Variants in KLHL25 observed in about 807,000 individuals in gnomAD.
KLHL25 encodes the protein kelch like family member 25, also known as kelch-like protein 25.
In KLHL25, 41 loss-of-function variants were observed where a neutral mutation model predicts 30.0. The observed-to-expected ratio is 1.37, with a 90% CI of 1.07 to 1.78. The LOEUF (loss-of-function observed/expected upper bound fraction) is 1.78, where lower values mean the gene tolerates loss of function less well. Ranked by LOEUF, KLHL25 falls within the 40% of genes most tolerant of loss-of-function variation. The probability of loss-of-function intolerance (pLI) is 0.00; values close to 1 mark genes in which losing one functional copy is unlikely to be tolerated. For synonymous variants in KLHL25, 399 were observed against 355.3 expected, an observed-to-expected ratio of 1.12 and a Z score of -1.38; for missense variants, 971 against 824.5, an observed-to-expected ratio of 1.18 and a Z score of -2.18.
intron 1 of KLHL25, among the ~76,000 whole-genome samples, chr15:85,783,456 C>T (rs2089758430): frequency 6.6e-6 from 1 of 151,844 alleles, no homozygotes; most frequent in Non-Finnish European, 1.5e-5. Context: ...CTTTGGGAGG[C>T]TGAGGTGGGC....
chr15:85,787,393 C>A (rs944581478), intron 1 of KLHL25, among the ~76,000 whole-genome samples: 1 of 151,978 alleles, frequency 6.6e-6, no homozygotes, highest in African/African-American at 2.4e-5. Context: ...TTGCTGTAAC[C>A]TGAGATCATG....
rs374904225 is a variant in KLHL25, at chr15:85,769,829, G to A, written c.-10-9C>T. 7.5e-6 allele frequency: 12 copies of A among 1,591,750 alleles called. No homozygotes were observed. The Middle Eastern group carries it at 5.0e-4, about 66-fold the overall frequency. ...CCGACATGGTGCGTCAGCTTGTGGG[G>A]GAACAAGCCCACAGGTTAGAGGAGC... On this transcript the variant is annotated splice_polypyrimidine_tract_variant and intron_variant, in intron 1 of 2. Coordinates refer to ENST00000337975, the MANE Select transcript of KLHL25 (RefSeq NM_022480.4).
chr15:85,789,089 T>A lies in KLHL25; in HGVS notation c.-11+5677A>T, dbSNP rs2089799564. ...CTGCTCAGCCTAGATGGATCTGTGG[T>A]CAGCCTCTCCTTGGGGGCCCAATGG... On this transcript the variant is annotated intron_variant, in intron 1 of 2. Transcript: ENST00000337975. This position sits in a 1 kb window ranked among gnomAD's most constrained non-coding sequence, Gnocchi z 4.1. Among the ~76,000 whole-genome samples the A allele has an allele frequency of 6.6e-6, 1 of 152,242 alleles. No individual in the cohort carries two copies.
Position 85,769,136 on chromosome 15 carries a change from C to T in KLHL25, c.675G>A (p.Arg225=), listed in dbSNP as rs765982023. Residue 225 remains arginine (R), a synonymous_variant, in exon 2 of 3, where the codon CGG becomes CGA. Transcript: ENST00000337975. ...GGAGGAGCTCGGGCAAGTGGACCTT[C>T]CGTGGCTCCAGGTCGTGCTTCACCC... ...LQWVKHDLEP[R]KVHLPELLRS... 9.9e-6 allele frequency: 16 copies of T among 1,609,190 alleles called. No homozygotes were observed. In the African/African-American group the frequency reaches 1.6e-4, roughly 16 times the overall value.
chr15:85,761,689 C>T (rs2089584071), intron 2 of KLHL25: 1 of 152,308 alleles, frequency 6.6e-6, no homozygotes, highest in Non-Finnish European at 1.5e-5. Context: ...TCACATACCA[C>T]TCCGAGGCCC....
intron 2 of KLHL25, among the ~76,000 whole-genome samples, chr15:85,764,817 C>A (rs534286382): frequency 8.3e-4 from 126 of 152,372 alleles, no homozygotes; most frequent in African/African-American, 2.9e-3. Context: ...ATCACTTGAT[C>A]TCTATTCTAG....
intron 1 of KLHL25, among the ~76,000 whole-genome samples, chr15:85,779,722 G>A (rs1204797157): frequency 2.0e-5 from 3 of 152,254 alleles, no homozygotes; most frequent in East Asian, 1.9e-4. Context: ...ACTGATTAAA[G>A]GCCTGCCAAG....
chr15:85,791,946 A>T (rs1295465467), intron 1 of KLHL25, among the ~76,000 whole-genome samples: 1 of 152,170 alleles, frequency 6.6e-6, no homozygotes, highest in East Asian at 1.9e-4. Flanking sequence ...CTTAACAGGG[A>T]GCCCTTCCTA....
At chr15:85,761,073 A>T (rs1419674697) in intron 2 of KLHL25, 62 bp from the exon 3 acceptor site, 1 of 152,300 alleles carries the variant, frequency 6.6e-6, no homozygotes, top group Non-Finnish European at 1.5e-5. Context: ...TTCTGACCTG[A>T]TCTGGAACAA....
intron 1 of KLHL25, among the ~76,000 whole-genome samples, chr15:85,774,067 G>A (rs1240292242): frequency 6.6e-6 from 1 of 152,164 alleles, no homozygotes; most frequent in East Asian, 1.9e-4. Flanking sequence ...AGGGCCTGGG[G>A]ATGCAAAAGC....
In KLHL25 at chr15:85,768,867, T is replaced by A; in HGVS notation, c.944A>T (p.His315Leu). 6.2e-7 allele frequency: 1 copy of A among 1,613,348 alleles called. No homozygotes were observed. The highest frequency in any genetic ancestry group is 8.5e-7 in the Non-Finnish European group (1 of 1,180,042). The change falls in exon 2 of 3, where the codon CAC becomes CTC. Residue 315 changes from histidine to leucine, a missense_variant. His to Leu is a moderately conservative substitution (Grantham distance 99). Transcript: ENST00000337975. ...FMCDKIYQVD[H>L]KAKEIIPKAD... ...CTTGGGGATGATCTCCTTGGCCTTG[T>A]GGTCCACCTGGTAGATCTTGTCACA...
intron 1 of KLHL25, among the ~76,000 whole-genome samples, chr15:85,780,971 G>A (rs901895733): frequency 3.9e-5 from 6 of 152,198 alleles, no homozygotes; most frequent in Non-Finnish European, 7.3e-5. Flanking sequence ...CAATGTTCAC[G>A]AATAAGAGGC....
chr15:85,786,884 T>A (rs1279880881), intron 1 of KLHL25, among the ~76,000 whole-genome samples: 1 of 152,184 alleles, frequency 6.6e-6, no homozygotes, highest in East Asian at 1.9e-4. Context: ...TCAGGAATGT[T>A]TTCCCATGCA....
intron 1 of KLHL25, among the ~76,000 whole-genome samples, chr15:85,786,527 T>C (rs2089782527): frequency 6.6e-6 from 1 of 152,238 alleles, no homozygotes; most frequent in African/African-American, 2.4e-5. Context: ...TTCTGGGCCT[T>C]TCTCTGGACC....
intron 1 of KLHL25, among the ~76,000 whole-genome samples, chr15:85,784,576 G>A (rs146524150): frequency 8.6e-5 from 13 of 151,936 alleles, no homozygotes; most frequent in African/African-American, 3.1e-4. Context: ...TTCTCCAGCT[G>A]GTCCCAAAAG....
Position 85,794,923 on chromosome 15 carries a change from T to A in KLHL25, c.-168A>T, listed in dbSNP as rs905419581. 6.6e-6 allele frequency: 1 copy of A among 152,344 alleles called. No individual in the cohort carries two copies. The highest frequency in any genetic ancestry group is 1.5e-5 in the Non-Finnish European group (1 of 68,248). The allele number at this position is 152,344 out of a possible 1,614,324, so 9.4% of individuals were successfully genotyped here. On this transcript the variant is annotated 5_prime_UTR_variant, in exon 1 of 3. Transcript: ENST00000337975. ...CCTAGGCGCCGCCAACAAACTAGTT[T>A]CTCCGGCCTTCCCGCCCCGCCTCCC...
chr15:85,769,832 A>T lies in KLHL25; in HGVS notation c.-10-12T>A. ...ACATGGTGCGTCAGCTTGTGGGGGA[A>T]CAAGCCCACAGGTTAGAGGAGCCCC... On this transcript the variant is annotated splice_polypyrimidine_tract_variant and intron_variant, in intron 1 of 2. Coordinates refer to ENST00000337975, the MANE Select transcript of KLHL25 (RefSeq NM_022480.4). The T allele has an allele frequency of 6.3e-7, 1 of 1,590,738 alleles. No individual in the cohort carries two copies. Among genetic ancestry groups the T allele is most frequent in the East Asian group, 2.2e-5 (1 of 44,586 alleles).
chr15:85,773,157 C>T (rs1000616461), intron 1 of KLHL25, among the ~76,000 whole-genome samples: 5 of 152,258 alleles, frequency 3.3e-5, no homozygotes, highest in Admixed American at 2.6e-4. Context: ...CCCAGAAAGG[C>T]AGGGACCATG....
intron 1 of KLHL25, among the ~76,000 whole-genome samples, chr15:85,791,166 G>C (rs931901190): frequency 6.9e-6 from 1 of 144,492 alleles, no homozygotes. Context: ...CTGCACTCCA[G>C]CCTGGGCTAC....
Sources: gnomAD v4.1 joint callset for allele counts (sites outside exome capture counted in the v4.1 genomes callset) on GRCh38, gnomAD v4.1.1 for gene constraint, Gnocchi (gnomAD v3.1) non-coding constraint, MANE v1.5 for transcripts, NCBI Gene and HGNC (gene_info 2026-07-23, HGNC 2026-07-21) for gene names.